The following TMEM232 variants were observed in gnomAD, a reference collection of about 807,000 sequenced individuals.
TMEM232 encodes the protein transmembrane protein 232.
TMEM232 carries 80 observed loss-of-function variants against 78.8 expected under a neutral mutation model. That is an observed-to-expected ratio of 1.01 (90% CI 0.85 to 1.22). The LOEUF is 1.22. Among genes scored for constraint, TMEM232 ranks in the 50% most tolerant of loss-of-function variants. The pLI is 0.00. For synonymous variants in TMEM232, 297 were observed against 254.3 expected (o/e 1.17, Z -1.60); for missense variants, 881 against 742.2 (o/e 1.19, Z -2.17).
intron 12 of TMEM232, among the ~76,000 whole-genome samples, chr5:110,486,477 T>C (rs1282992236): frequency 2.6e-5 from 4 of 152,180 alleles, no homozygotes; most frequent in Non-Finnish European, 5.9e-5. Context: ...TCAATTCATC[T>C]TGAGTTGATT....
intron 10 of TMEM232, among the ~76,000 whole-genome samples, chr5:110,578,137 T>G (rs1216002308): frequency 6.6e-6 from 1 of 151,996 alleles, no homozygotes; most frequent in Non-Finnish European, 1.5e-5. Flanking sequence ...TAAAAGTAGT[T>G]GATTCTCTTT....
At chr5:110,642,493 C>T in intron 2 of TMEM232, 122 bp from the exon 3 acceptor site, 1 of 635,960 alleles carries the variant, frequency 1.6e-6, no homozygotes, top group South Asian at 2.3e-5. Flanking sequence ...CTTAATAAAA[C>T]TGTTTCACAC....
chr5:110,463,935 G>T (rs1419997936), intron 12 of TMEM232, among the ~76,000 whole-genome samples: 1 of 152,118 alleles, frequency 6.6e-6, no homozygotes, highest in Admixed American at 6.5e-5. Context: ...CTTTTCACCT[G>T]GAGGCCTTTG....
Position 110,734,511 on chromosome 5 carries a change from T to C in TMEM232, c.-13+392A>G, listed in dbSNP as rs559446152. On this transcript the variant is annotated intron_variant, in intron 2 of 4. Transcript: ENST00000512886. ...GGTATGGACATACAGTATAATACTA[T>C]GGTAGAGGGATGAAAAATTAAGTCC... Among the ~76,000 whole-genome samples, 7 of 152,346 alleles carry C rather than the reference T, an allele frequency of 4.6e-5. No individual in the cohort carries two copies. The South Asian group carries it at 1.0e-3, about 23-fold the overall frequency.
chr5:110,581,826 C>G (rs1342091616), intron 10 of TMEM232, among the ~76,000 whole-genome samples: 1 of 151,618 alleles, frequency 6.6e-6, no homozygotes, highest in Non-Finnish European at 1.5e-5. Context: ...AACCAAACAA[C>G]TCCATTAAAA....
intron 12 of TMEM232, among the ~76,000 whole-genome samples, chr5:110,473,496 C>T (rs902518204): frequency 4.6e-5 from 7 of 151,296 alleles, no homozygotes; most frequent in African/African-American, 1.7e-4. Flanking sequence ...TAAATTCGTA[C>T]AGTCATTATG....
At chr5:110,692,752 G>A (rs1025445669) in intron 1 of TMEM232, among the ~76,000 whole-genome samples, 1 of 152,190 alleles carries the variant, frequency 6.6e-6, no homozygotes, top group Non-Finnish European at 1.5e-5. Context: ...AAGGCTGGGG[G>A]AGGGGTGCCT....
upstream of TMEM232, among the ~76,000 whole-genome samples, chr5:110,729,709 T>C (rs557001047): frequency 9.2e-5 from 14 of 152,312 alleles, no homozygotes; most frequent in African/African-American, 3.4e-4. Flanking sequence ...CCTTACAGAT[T>C]TTCCTGCCAA....
chr5:110,387,867 G>A (rs1220396412), exon 5 of TMEM232: 1 of 151,926 alleles, frequency 6.6e-6, no homozygotes, highest in East Asian at 1.9e-4. Context: ...ACTCCTTTTC[G>A]CTGATTAATG....
chr5:110,582,551 T>C (rs564823249), intron 10 of TMEM232, among the ~76,000 whole-genome samples: 3 of 151,972 alleles, frequency 2.0e-5, no homozygotes, highest in Admixed American at 6.6e-5. Context: ...ATACTAATTA[T>C]TGGGTACTAT....
chr5:110,448,808 A>G (rs889015272), intron 12 of TMEM232, among the ~76,000 whole-genome samples: 3 of 152,102 alleles, frequency 2.0e-5, no homozygotes, highest in African/African-American at 4.8e-5. Flanking sequence ...AAATATAATC[A>G]TAAGAATTAA....
intron 1 of TMEM232, among the ~76,000 whole-genome samples, chr5:110,695,374 A>G (rs895794813): frequency 2.0e-5 from 3 of 152,240 alleles, no homozygotes; most frequent in African/African-American, 7.2e-5. Context: ...TTGACACGGT[A>G]ACATCACAAT....
upstream of TMEM232, among the ~76,000 whole-genome samples, chr5:110,730,269 T>G (rs896423671): frequency 1.3e-5 from 2 of 152,192 alleles, no homozygotes; most frequent in East Asian, 3.8e-4. Context: ...GGGAAAACAA[T>G]CTGACACCAA....
chr5:110,520,773 C>T (rs745837083), intron 12 of TMEM232, among the ~76,000 whole-genome samples: 32 of 152,018 alleles, frequency 2.1e-4, no homozygotes, highest in Non-Finnish European at 4.3e-4. Flanking sequence ...ACAAAATTAG[C>T]CAGGCATGGT....
At chr5:110,643,460 A>G (rs1787032381) in intron 2 of TMEM232, among the ~76,000 whole-genome samples, 1 of 152,044 alleles carries the variant, frequency 6.6e-6, no homozygotes, top group South Asian at 2.1e-4. Flanking sequence ...ATTTCAAAGA[A>G]AAGTAGGACA....
chr5:110,733,873 A>G lies in TMEM232; in HGVS notation c.-13+1030T>C, dbSNP rs142596901. Among the ~76,000 whole-genome samples, 863 of 152,366 alleles carry G rather than the reference A, an allele frequency of 5.7e-3. 9 individuals are homozygous for G. Among genetic ancestry groups the G allele is most frequent in the African/African-American group, 0.02 (814 of 41,592 alleles). On this transcript the variant is annotated intron_variant, in intron 2 of 4. Transcript: ENST00000512886. The stretch of plus-strand genomic sequence containing the variant: ...AAAGTCAAATGATATTAAAATGGTC[A>G]TTCAACTTATAAAAATCCAGTAGAG...
At chr5:110,523,315 C>T (rs1337634415) in intron 12 of TMEM232, among the ~76,000 whole-genome samples, 2 of 151,964 alleles carry the variant, frequency 1.3e-5, no homozygotes, top group African/African-American at 2.4e-5. Flanking sequence ...AAGAGGTTGA[C>T]AATTTCACCT....
intron 4 of TMEM232, chr5:110,388,160 G>A (rs898004864): frequency 1.3e-5 from 2 of 152,284 alleles, no homozygotes; most frequent in Middle Eastern, 3.4e-3. Flanking sequence ...GCAGGCTTCG[G>A]GAGGCTGTGT....
intron 1 of TMEM232, among the ~76,000 whole-genome samples, chr5:110,709,130 G>C (rs1554083555): frequency 6.6e-6 from 1 of 152,062 alleles, no homozygotes; most frequent in Admixed American, 6.6e-5. Context: ...CATAAGAAGA[G>C]AGAAACAAGG....
Sources: gnomAD v4.1 joint callset for allele counts (sites outside exome capture counted in the v4.1 genomes callset) on GRCh38, gnomAD v4.1.1 for gene constraint, MANE v1.5 for transcripts, NCBI Gene and HGNC (gene_info 2026-07-23, HGNC 2026-07-21) for gene names.